Variants in CHCHD3 observed in about 807,000 individuals in gnomAD.
The protein encoded by CHCHD3 is coiled-coil-helix-coiled-coil-helix domain containing 3.
A neutral mutation model predicts 38.2 loss-of-function variants in CHCHD3; 20 were observed. That is an observed-to-expected ratio of 0.52 (90% confidence interval 0.37 to 0.76). The LOEUF (loss-of-function observed/expected upper bound fraction) is 0.76. CHCHD3 is among the 30% of genes least tolerant of loss of function. The pLI, the probability that CHCHD3 is intolerant of heterozygous loss-of-function variation, is 0.00. For missense variants in CHCHD3, 245 were observed against 279.2 expected, an observed-to-expected ratio of 0.88 and a Z score of 0.87; for synonymous variants, 82 against 100.0, an observed-to-expected ratio of 0.82 and a Z score of 1.07.
chr7:133,022,993 C>A (rs182336291), intron 3 of CHCHD3, among the ~76,000 whole-genome samples: 3 of 149,030 alleles, frequency 2.0e-5, no homozygotes, highest in South Asian at 2.1e-4. Context: ...AACCAAAAAA[C>A]CCCTATTAAA....
intron 4 of CHCHD3, among the ~76,000 whole-genome samples, chr7:132,899,200 T>A (rs1021515008): frequency 6.6e-6 from 1 of 152,020 alleles, no homozygotes; most frequent in South Asian, 2.1e-4. Context: ...AGACTGATTA[T>A]GGGGGCATGT....
chr7:132,942,402 C>G (rs1375064191), intron 4 of CHCHD3, among the ~76,000 whole-genome samples: 1 of 152,126 alleles, frequency 6.6e-6, no homozygotes, highest in Non-Finnish European at 1.5e-5. Flanking sequence ...CATATCCACA[C>G]TGAGCATGTA....
At chr7:133,033,823 C>T (rs774867159) in intron 2 of CHCHD3, among the ~76,000 whole-genome samples, 4 of 152,134 alleles carry the variant, frequency 2.6e-5, no homozygotes, top group African/African-American at 4.8e-5. Context: ...CAAAATTACT[C>T]TCTGCTAATC....
chr7:132,984,002 G>T (rs1365189163), intron 3 of CHCHD3, among the ~76,000 whole-genome samples: 1 of 146,726 alleles, frequency 6.8e-6, no homozygotes, highest in East Asian at 2.0e-4. Context: ...TCTCCCCACG[G>T]TCTCCCTCTC....
At chr7:132,929,546 T>C (rs1368753605) in intron 4 of CHCHD3, among the ~76,000 whole-genome samples, 1 of 152,196 alleles carries the variant, frequency 6.6e-6, no homozygotes, top group Non-Finnish European at 1.5e-5. Flanking sequence ...TATTCCTGGC[T>C]GCTCTCCCTA....
At chr7:132,899,878 T>G (rs1174392211) in intron 4 of CHCHD3, among the ~76,000 whole-genome samples, 1 of 152,246 alleles carries the variant, frequency 6.6e-6, no homozygotes, top group Non-Finnish European at 1.5e-5. Context: ...ACATTTCTTC[T>G]ATTATTCATT....
At chr7:132,826,452 G>C (rs909947162) in intron 6 of CHCHD3, among the ~76,000 whole-genome samples, 7 of 152,206 alleles carry the variant, frequency 4.6e-5, no homozygotes, top group African/African-American at 9.7e-5. Context: ...TTGTGAAACA[G>C]AGCCAAGAGC....
chr7:132,908,986 C>T (rs1048296125), intron 4 of CHCHD3, among the ~76,000 whole-genome samples: 4 of 152,002 alleles, frequency 2.6e-5, no homozygotes, highest in Admixed American at 6.6e-5. Context: ...GAGAGGGACC[C>T]GGTAAGAGGT....
chr7:133,015,836 G>A (rs961735312), intron 3 of CHCHD3, among the ~76,000 whole-genome samples: 1 of 152,200 alleles, frequency 6.6e-6, no homozygotes, highest in Admixed American at 6.5e-5. Flanking sequence ...TCTACAGGCT[G>A]TACAGGAAGC....
At chr7:132,827,523 A>G (rs1030772373) in intron 6 of CHCHD3, among the ~76,000 whole-genome samples, 6 of 152,178 alleles carry the variant, frequency 3.9e-5, no homozygotes, top group Admixed American at 3.3e-4. Flanking sequence ...AAAGTTTCCA[A>G]TCTTGGAGGA....
At chr7:132,858,247 G>A (rs1291786155) in intron 5 of CHCHD3, among the ~76,000 whole-genome samples, 1 of 152,072 alleles carries the variant, frequency 6.6e-6, no homozygotes. Context: ...ATTTTCAGTA[G>A]AGATGGGGTT....
chr7:132,950,128 C>T (rs1183114784), intron 4 of CHCHD3, among the ~76,000 whole-genome samples: 3 of 152,034 alleles, frequency 2.0e-5, no homozygotes, highest in Non-Finnish European at 4.4e-5. Context: ...GAAAAGTATA[C>T]ATTGATTTGC....
chr7:132,896,546 T>C (rs756257602), intron 4 of CHCHD3, among the ~76,000 whole-genome samples: 5 of 152,160 alleles, frequency 3.3e-5, no homozygotes, highest in African/African-American at 4.8e-5. Flanking sequence ...CCAACATCCA[T>C]TTAAAACAAG....
At chr7:132,927,000 C>G (rs757539086) in intron 4 of CHCHD3, among the ~76,000 whole-genome samples, 1 of 152,144 alleles carries the variant, frequency 6.6e-6, no homozygotes, top group Non-Finnish European at 1.5e-5. Flanking sequence ...TTTTTATAAG[C>G]AGCTCTCTAT....
intron 4 of CHCHD3, among the ~76,000 whole-genome samples, chr7:132,956,431 A>G (rs1277981503): frequency 6.6e-6 from 1 of 152,250 alleles, no homozygotes; most frequent in Non-Finnish European, 1.5e-5. Context: ...ATACATACAC[A>G]AACACACATC....
At chr7:133,068,392 T>A (rs1471682377) in intron 2 of CHCHD3, among the ~76,000 whole-genome samples, 1 of 152,072 alleles carries the variant, frequency 6.6e-6, no homozygotes, top group Non-Finnish European at 1.5e-5. Context: ...TCACAGTGAA[T>A]AAGTAGAGGA....
At chr7:132,852,471 T>C (rs1428848883) in intron 5 of CHCHD3, among the ~76,000 whole-genome samples, 2 of 152,126 alleles carry the variant, frequency 1.3e-5, no homozygotes, top group African/African-American at 4.8e-5. Context: ...ATTTGTAAGG[T>C]CCATCCTATT....
intron 4 of CHCHD3, among the ~76,000 whole-genome samples, chr7:132,945,186 T>C (rs552818806): frequency 2.0e-5 from 3 of 152,098 alleles, no homozygotes; most frequent in Non-Finnish European, 4.4e-5. Context: ...TTTTTTAAAA[T>C]TGCCATTAAA....
chr7:132,823,225 GA>G (rs2117071661), intron 6 of CHCHD3, among the ~76,000 whole-genome samples: 1 of 152,058 alleles, frequency 6.6e-6, no homozygotes, highest in East Asian at 1.9e-4. Flanking sequence ...TAAATTAAAA[GA>G]GAAAAAAATC....
Sources: gnomAD v4.1 joint callset for allele counts (sites outside exome capture counted in the v4.1 genomes callset) on GRCh38, gnomAD v4.1.1 for gene constraint, MANE v1.5 for transcripts, NCBI Gene and HGNC (gene_info 2026-07-23, HGNC 2026-07-21) for gene names.